The following GALNT13 variants were observed in gnomAD, a reference collection of about 807,000 sequenced individuals.
GALNT13 encodes the protein UDP-GalNAc:polypeptide N-acetylgalactosaminyltransferase 13.
A neutral mutation model predicts 64.2 loss-of-function variants in GALNT13; 28 were observed. The ratio of observed to expected loss-of-function variants is 0.44; its 90% CI spans 0.32 to 0.60. The LOEUF is 0.60. Ranked by LOEUF, GALNT13 falls within the 20% of genes least tolerant of loss-of-function variation. The probability of loss-of-function intolerance (pLI) is 0.05; values close to 1 mark genes in which losing one functional copy is unlikely to be tolerated. For synonymous variants in GALNT13, 214 were observed against 224.6 expected, an observed-to-expected ratio of 0.95 and a Z score of 0.42; for missense variants, 577 against 669.8, an observed-to-expected ratio of 0.86 and a Z score of 1.53.
chr2:153,169,323 T>A, the GALNT13 span, among the ~76,000 whole-genome samples: 2 of 151,888 alleles, frequency 1.3e-5, 1 homozygote, highest in South Asian at 4.2e-4. Context: ...GTTTCAGAGG[T>A]TTTTGATTCA....
At chr2:154,146,219 GTAT>G (rs1472663011) in intron 4 of GALNT13, among the ~76,000 whole-genome samples, 1 of 151,350 alleles carries the variant, frequency 6.6e-6, no homozygotes, top group Admixed American at 6.6e-5. Flanking sequence ...GTGGATATAA[GTAT>G]TATTATCATT....
the GALNT13 span, among the ~76,000 whole-genome samples, chr2:153,656,599 T>C: frequency 6.6e-6 from 1 of 152,112 alleles, no homozygotes; most frequent in Non-Finnish European, 1.5e-5. Flanking sequence ...GATAAAGTTC[T>C]TGTAGTCATT....
the GALNT13 span, among the ~76,000 whole-genome samples, chr2:153,436,545 G>GT: frequency 6.6e-6 from 1 of 152,112 alleles, no homozygotes; most frequent in East Asian, 1.9e-4. Flanking sequence ...CTTCTTCCTG[G>GT]TTTAGTCTTG....
chr2:153,805,530 A>G, the GALNT13 span, among the ~76,000 whole-genome samples: 13 of 152,114 alleles, frequency 8.5e-5, no homozygotes, highest in African/African-American at 3.1e-4. Context: ...AGACATTGAC[A>G]TAACTAGTGA....
At chr2:154,431,708 G>A (rs148679563) in intron 11 of GALNT13, among the ~76,000 whole-genome samples, 40 of 152,306 alleles carry the variant, frequency 2.6e-4, no homozygotes, top group Admixed American at 8.5e-4. Context: ...TAATCCCCAC[G>A]TGTCATGAGA....
chr2:153,230,141 T>C, the GALNT13 span, among the ~76,000 whole-genome samples: 2 of 152,254 alleles, frequency 1.3e-5, no homozygotes, highest in African/African-American at 2.4e-5. Flanking sequence ...AGCAATAAAT[T>C]GTCTGGCCTG....
intron 9 of GALNT13, among the ~76,000 whole-genome samples, chr2:154,367,711 T>C (rs1038292075): frequency 6.6e-6 from 1 of 152,186 alleles, no homozygotes; most frequent in African/African-American, 2.4e-5. Context: ...GCTATTCTTA[T>C]AATGTAAAAA....
intron 3 of GALNT13, among the ~76,000 whole-genome samples, chr2:154,053,335 T>A (rs1699739270): frequency 6.6e-6 from 1 of 152,186 alleles, no homozygotes; most frequent in South Asian, 2.1e-4. Flanking sequence ...TATACCTCAA[T>A]AAAGCCTCCT....
At chr2:153,070,927 A>T in the GALNT13 span, among the ~76,000 whole-genome samples, 1 of 152,212 alleles carries the variant, frequency 6.6e-6, no homozygotes, top group African/African-American at 2.4e-5. Flanking sequence ...GGCAATGTGA[A>T]ATTCAATTTC....
chr2:154,239,837 G>A (rs1415436051), intron 4 of GALNT13, among the ~76,000 whole-genome samples: 3 of 151,988 alleles, frequency 2.0e-5, no homozygotes, highest in African/African-American at 7.2e-5. Flanking sequence ...TCTTTTAGAC[G>A]GTTTTAAAAA....
At chr2:153,564,437 T>C in the GALNT13 span, among the ~76,000 whole-genome samples, 1 of 152,144 alleles carries the variant, frequency 6.6e-6, no homozygotes, top group African/African-American at 2.4e-5. Flanking sequence ...CATTATGAAT[T>C]TATAACCCAT....
the GALNT13 span, among the ~76,000 whole-genome samples, chr2:153,287,954 C>T: frequency 6.6e-6 from 1 of 152,100 alleles, no homozygotes; most frequent in Non-Finnish European, 1.5e-5. Flanking sequence ...TGCCCCCCTC[C>T]CATATCAATT....
chr2:153,361,244 A>G, the GALNT13 span, among the ~76,000 whole-genome samples: 1 of 152,024 alleles, frequency 6.6e-6, no homozygotes, highest in South Asian at 2.1e-4. Context: ...AACTAGGCAA[A>G]CTCATGAAGA....
chr2:153,395,466 G>C, the GALNT13 span, among the ~76,000 whole-genome samples: 6 of 151,842 alleles, frequency 4.0e-5, no homozygotes, highest in African/African-American at 7.3e-5. Context: ...GATATCCAGG[G>C]GTATTCCATT....
At chr2:153,253,307 T>C in the GALNT13 span, among the ~76,000 whole-genome samples, 10 of 145,876 alleles carry the variant, frequency 6.9e-5, no homozygotes, top group South Asian at 2.2e-4. Flanking sequence ...GTGATTTTTG[T>C]ACATTGATTT....
chr2:154,052,862 T>G (rs1315247794), intron 3 of GALNT13, among the ~76,000 whole-genome samples: 1 of 150,582 alleles, frequency 6.6e-6, no homozygotes, highest in African/African-American at 2.4e-5. Flanking sequence ...TCAGCCTCCC[T>G]AGTAGCTGGG....
intron 11 of GALNT13, among the ~76,000 whole-genome samples, chr2:154,421,112 C>G (rs951190858): frequency 1.3e-5 from 2 of 151,886 alleles, no homozygotes; most frequent in African/African-American, 4.8e-5. Flanking sequence ...AAATAGTTGA[C>G]TAGGCAATAC....
chr2:154,265,987 G>C (rs80059935), intron 8 of GALNT13, among the ~76,000 whole-genome samples: 6 of 152,040 alleles, frequency 3.9e-5, no homozygotes, highest in Non-Finnish European at 8.8e-5. Context: ...GTAATTCACC[G>C]TATCAAGAAA....
intron 3 of GALNT13, among the ~76,000 whole-genome samples, chr2:154,066,796 A>G (rs972666659): frequency 2.6e-5 from 4 of 152,164 alleles, no homozygotes; most frequent in African/African-American, 9.6e-5. Flanking sequence ...CTGAAGATAT[A>G]AAACTCACTG....
Sources: allele counts gnomAD v4.1 joint callset (sites outside exome capture counted in the v4.1 genomes callset), GRCh38; gene constraint gnomAD v4.1.1; transcripts MANE v1.5; gene names NCBI Gene and HGNC (gene_info 2026-07-23, HGNC 2026-07-21).